Variants in ZNF682 observed in about 807,000 individuals in gnomAD.
ZNF682 encodes zinc finger protein 682.
Under a neutral mutation model 36.5 loss-of-function variants are expected in ZNF682, and 29 were observed. The observed-to-expected ratio is 0.80, with a 90% CI of 0.59 to 1.08. ZNF682 has a LOEUF of 1.08. Ranked by LOEUF, ZNF682 falls within the 50% of genes least tolerant of loss-of-function variation. The probability of loss-of-function intolerance (pLI) is 0.00; values close to 1 mark genes in which losing one functional copy is unlikely to be tolerated. For synonymous variants in ZNF682, 180 were observed against 197.0 expected (o/e 0.91, Z 0.72); for missense variants, 561 against 579.7 (o/e 0.97, Z 0.33).
intron 3 of ZNF682, among the ~76,000 whole-genome samples, chr19:20,008,846 C>T (rs916478751): frequency 6.6e-6 from 1 of 152,124 alleles, no homozygotes; most frequent in Non-Finnish European, 1.5e-5. Flanking sequence ...GCCTGAATTA[C>T]ACCACCAAAC....
Position 20,005,693 on chromosome 19 carries a change from A to G in ZNF682, c.*312T>C. On this transcript the variant is annotated 3_prime_UTR_variant, in exon 4 of 4. Coordinates refer to ENST00000397165, the MANE Select transcript of ZNF682 (RefSeq NM_033196.3). ...TACTCTAAGGCTTTTATTTGGTGAC[A>G]TCTTTCCACAGATAAATGTAATGTG... The G allele has an allele frequency of 3.4e-6, 1 of 295,318 alleles. No homozygotes were observed. The highest frequency in any genetic ancestry group is 6.3e-6 in the Non-Finnish European group (1 of 159,278). The allele number at this position is 295,318 out of a possible 1,614,324, so 18.3% of individuals were successfully genotyped here.
At chr19:20,035,814 C>T (rs2088524375) in intron 1 of ZNF682, among the ~76,000 whole-genome samples, 1 of 151,922 alleles carries the variant, frequency 6.6e-6, no homozygotes, top group African/African-American at 2.4e-5. Context: ...TGGCTCACTG[C>T]AACCTCTGCC....
rs1342319782 is a variant in ZNF682, at chr19:20,027,784, AC to A, written c.4-3409del. On this transcript the variant is annotated intron_variant, in intron 1 of 3. Transcript: ENST00000397165. ...AAAAAAACAAAAAAGAAAAACAAAA[AC>A]AAAAAAAAAAAACAAAGCCTGGGGA... is the stretch of plus-strand genomic sequence containing the variant. Among the ~76,000 whole-genome samples, 329 of 47,328 alleles carry A rather than the reference AC, an allele frequency of 7.0e-3. 2 individuals are homozygous for A. The highest frequency in any genetic ancestry group is 0.033 in the African/African-American group (305 of 9,278). The allele number at this position is 47,328 out of a possible 152,430, so 31.0% of individuals were successfully genotyped here.
At chr19:20,018,394 T>A (rs1285783921) in intron 3 of ZNF682, among the ~76,000 whole-genome samples, 1 of 152,152 alleles carries the variant, frequency 6.6e-6, no homozygotes, top group South Asian at 2.1e-4. Context: ...GCGCCCAGCC[T>A]CTCAAATTCT....
intron 3 of ZNF682, among the ~76,000 whole-genome samples, chr19:20,012,583 C>T (rs906910561): frequency 2.6e-5 from 4 of 151,832 alleles, no homozygotes; most frequent in African/African-American, 7.3e-5. Context: ...CTGGCTAACA[C>T]GGTGAAACCC....
At chr19:20,015,189 T>C (rs2088324771) in intron 3 of ZNF682, 2 of 985,036 alleles carry the variant, frequency 2.0e-6, no homozygotes, top group Admixed American at 6.2e-5. Context: ...AAATCACAAG[T>C]GTTTCTCTCA....
At chr19:20,019,286 T>A (rs1008744015) in intron 3 of ZNF682, among the ~76,000 whole-genome samples, 1 of 152,160 alleles carries the variant, frequency 6.6e-6, no homozygotes, top group Non-Finnish European at 1.5e-5. Flanking sequence ...AGAGGCCTTT[T>A]GAGCCACTGG....
intron 3 of ZNF682, among the ~76,000 whole-genome samples, chr19:20,014,194 G>A (rs943250924): frequency 6.6e-6 from 1 of 152,154 alleles, no homozygotes; most frequent in Non-Finnish European, 1.5e-5. Context: ...AAAGAAAGGT[G>A]TTGGAAGCAT....
intron 1 of ZNF682, among the ~76,000 whole-genome samples, chr19:20,028,484 T>A (rs2088451887): frequency 6.6e-6 from 1 of 152,076 alleles, no homozygotes; most frequent in Non-Finnish European, 1.5e-5. Context: ...AGTGCTGGGA[T>A]TACAGGTGTG....
At chr19:19,999,912 CTG>C (rs1297466627), downstream of ZNF682, among the ~76,000 whole-genome samples, 1 of 152,218 alleles carries the variant, frequency 6.6e-6, no homozygotes, top group Non-Finnish European at 1.5e-5. Flanking sequence ...ATAATCCCCA[CTG>C]TGTATGGTAG....
chr19:19,996,530 A>G (rs531844095), downstream of ZNF682, among the ~76,000 whole-genome samples: 2 of 152,258 alleles, frequency 1.3e-5, no homozygotes, highest in Non-Finnish European at 2.9e-5. Context: ...TGGCATTCTC[A>G]GCAGCCTGGG....
At chr19:20,019,335 T>G (rs954928292) in intron 3 of ZNF682, among the ~76,000 whole-genome samples, 2 of 152,128 alleles carry the variant, frequency 1.3e-5, no homozygotes, top group African/African-American at 4.8e-5. Flanking sequence ...AAACATACTA[T>G]GAAGGTTTTT....
At chr19:20,008,728 T>C (rs1045696148) in intron 3 of ZNF682, among the ~76,000 whole-genome samples, 13 of 152,142 alleles carry the variant, frequency 8.5e-5, no homozygotes, top group African/African-American at 3.1e-4. Flanking sequence ...TGCCAGCAGT[T>C]GAAGGGAATA....
chr19:20,010,379 G>A (rs1315624516), intron 3 of ZNF682, among the ~76,000 whole-genome samples: 3 of 152,188 alleles, frequency 2.0e-5, no homozygotes, highest in Admixed American at 6.5e-5. Context: ...CAAAGTGGTG[G>A]CCAGGCACAG....
intron 3 of ZNF682, among the ~76,000 whole-genome samples, chr19:20,011,118 T>G (rs2088283946): frequency 6.6e-6 from 1 of 151,838 alleles, no homozygotes; most frequent in South Asian, 2.1e-4. Flanking sequence ...AAGTAACATC[T>G]ATCACACAAA....
At position 20,005,420 on chromosome 19, in the gene ZNF682, G is replaced by A. The variant is rs2088204776; in HGVS notation, c.*585C>T. ...AACAATTTTTTTCATATTCATTACAGTTGTAGGGTTTCTTTCCAATGTAAA... is the reference window on the plus strand; with the variant it reads ...AACAATTTTTTTCATATTCATTACAATTGTAGGGTTTCTTTCCAATGTAAA... On this transcript the variant is annotated 3_prime_UTR_variant, in exon 4 of 4. Coordinates refer to ENST00000397165, the MANE Select transcript of ZNF682 (RefSeq NM_033196.3). The A allele has an allele frequency of 6.6e-6, 1 of 152,442 alleles. No homozygotes were observed. The highest frequency in any genetic ancestry group is 2.4e-5 in the African/African-American group (1 of 41,386). The allele number at this position is 152,442 out of a possible 1,614,324, so 9.4% of individuals were successfully genotyped here. A position where few individuals can be genotyped will look rare whatever the true frequency, so the allele number is the denominator to read the frequency against.
At chr19:20,007,982 C>T (rs902393183) in intron 3 of ZNF682, 1 of 152,424 alleles carries the variant, frequency 6.6e-6, no homozygotes, top group Non-Finnish European at 1.5e-5. Context: ...TCCAAGATGA[C>T]CTACCTGGCT....
chr19:20,035,083 C>A (rs1052542383), intron 1 of ZNF682, among the ~76,000 whole-genome samples: 1 of 152,162 alleles, frequency 6.6e-6, no homozygotes, highest in Non-Finnish European at 1.5e-5. Flanking sequence ...AAGCAACAGG[C>A]TGAAATTCTG....
intron 1 of ZNF682, among the ~76,000 whole-genome samples, chr19:20,024,844 AC>A (rs2088418374): frequency 6.6e-6 from 1 of 152,222 alleles, no homozygotes; most frequent in African/African-American, 2.4e-5. Flanking sequence ...AACAGAATCC[AC>A]AAAACCAATG....
Sources: gnomAD v4.1 joint callset for allele counts (sites outside exome capture counted in the v4.1 genomes callset) on GRCh38, gnomAD v4.1.1 for gene constraint, MANE v1.5 for transcripts, NCBI Gene and HGNC (gene_info 2026-07-23, HGNC 2026-07-21) for gene names.